The following HYOU1 variants were observed in gnomAD, a reference collection of about 807,000 sequenced individuals.
The protein encoded by HYOU1 is hypoxia up-regulated protein 1.
HYOU1 carries 40 observed loss-of-function variants against 120.5 expected under a neutral mutation model. The ratio of observed to expected loss-of-function variants is 0.33; its 90% confidence interval spans 0.26 to 0.43. The LOEUF (loss-of-function observed/expected upper bound fraction) is 0.43. Among genes scored for constraint, HYOU1 ranks in the 20% least tolerant of loss-of-function variants. The probability of loss-of-function intolerance (pLI) is 1.00; values close to 1 mark genes in which losing one functional copy is unlikely to be tolerated. For synonymous variants in HYOU1, 501 were observed against 479.4 expected (o/e 1.05, Z -0.59); for missense variants, 1,085 against 1,278.3 (o/e 0.85, Z 2.31).
In HYOU1 at chr11:119,048,325, G is replaced by T. The variant is rs1480999233; in HGVS notation, c.2299C>A (p.Gln767Lys). The T allele has an allele frequency of 3.7e-6, 6 of 1,610,248 alleles. No homozygotes were observed. Among genetic ancestry groups the T allele is most frequent in the African/African-American group, 2.7e-5 (2 of 74,922 alleles). ...AGCTTCCCAGAGATCTCCTCACGCTGCTCCTCTGTGGACACTTCCTGGTAC... is the reference window on the plus strand; with the variant it reads ...AGCTTCCCAGAGATCTCCTCACGCTTCTCCTCTGTGGACACTTCCTGGTAC... ...PEYQEVSTEE[Q>K]REEISGKLSA... Residue 767 changes from glutamine (Q) to lysine (K), a missense_variant, in exon 20 of 26, where the codon CAG (glutamine) becomes AAG (lysine). Transcript: ENST00000617285. The surrounding 1 kb of genome is among the most constrained non-coding windows in gnomAD (Gnocchi z 4.7).
At position 119,051,642 on chromosome 11, in the gene HYOU1, C is replaced by CA. The variant is rs2133586710; in HGVS notation, c.1339-18dup. ...GAACTCCACCTACACAGCAGGCAGA[C>CA]AGAGGCACACTGTTGCACACTAGAG... On this transcript the variant is annotated splice_polypyrimidine_tract_variant and intron_variant, in intron 12 of 25. Coordinates refer to ENST00000617285, the MANE Select transcript of HYOU1 (RefSeq NM_006389.5). This position sits in a 1 kb window ranked among gnomAD's most constrained non-coding sequence, Gnocchi z 4.2. 6.2e-7 allele frequency: 1 copy of CA among 1,613,706 alleles called. No individual in the cohort carries two copies. Among genetic ancestry groups the CA allele is most frequent in the East Asian group, 2.2e-5 (1 of 44,856 alleles).
intron 14 of HYOU1, among the ~76,000 whole-genome samples, chr11:119,050,815 C>T: frequency 6.8e-6 from 1 of 147,030 alleles, no homozygotes. Context: ...CTATATCAAA[C>T]CATTCAATAG....
chr11:119,047,231 TAG>T, intron 22 of HYOU1: 1 of 195,628 alleles, frequency 5.1e-6, no homozygotes, highest in Non-Finnish European at 1.1e-5. Flanking sequence ...GTATATTTAG[TAG>T]AGACGGGGTT....
Position 119,052,181 on chromosome 11 carries a change from G to A in HYOU1, c.1123-9C>T. ...ACCTGCTCAATCTCATCCTGCAGTG[G>A]GTAAGAATGACAGGTGCAACAGCAT... On this transcript the variant is annotated splice_polypyrimidine_tract_variant and intron_variant, in intron 10 of 25. Coordinates refer to ENST00000617285, the MANE Select transcript of HYOU1 (RefSeq NM_006389.5). This position sits in a 1 kb window ranked among gnomAD's most constrained non-coding sequence, Gnocchi z 5.0. The A allele has an allele frequency of 2.5e-6, 4 of 1,614,106 alleles. No homozygotes were observed. Among genetic ancestry groups the A allele is most frequent in the Admixed American group, 1.7e-5 (1 of 60,026 alleles).
chr11:119,046,538 T>A, intron 23 of HYOU1, 24 bp downstream of exon 23: 1 of 1,614,008 alleles, frequency 6.2e-7, no homozygotes. Flanking sequence ...CAGCAGAACA[T>A]GCAGCCAGGT....
In HYOU1 at chr11:119,054,577, C is replaced by T; in HGVS notation, c.595G>A (p.Val199Met). The T allele has an allele frequency of 6.2e-7, 1 of 1,614,188 alleles. No homozygotes were observed. The highest frequency in any genetic ancestry group is 8.5e-7 in the Non-Finnish European group (1 of 1,180,046). ...LQAARMAGLK[V>M]LQLINDNTAT... ...GTGTTGTCATTGATGAGCTGCAGCACTTTGAGGCCAGCCATACGAGCAGCC... is the reference window on the plus strand; with the variant it reads ...GTGTTGTCATTGATGAGCTGCAGCATTTTGAGGCCAGCCATACGAGCAGCC... The change falls in exon 7 of 26, where the codon GTG becomes ATG. Residue 199 changes from valine to methionine, a missense_variant. Val to Met is a conservative substitution (Grantham distance 21). Coordinates refer to ENST00000617285, the MANE Select transcript of HYOU1 (RefSeq NM_006389.5).
chr11:119,052,040 A>C lies in HYOU1; in HGVS notation c.1205+50T>G, dbSNP rs2133589702. On this transcript the variant is annotated intron_variant, in intron 11 of 25. Coordinates refer to ENST00000617285, the MANE Select transcript of HYOU1 (RefSeq NM_006389.5). This position sits in a 1 kb window ranked among gnomAD's most constrained non-coding sequence, Gnocchi z 5.0. Reference sequence around the variant, plus strand: ...TCAGCCCTCCAGCTGCTCAGCCCAAAGCCCTGCCCCAGGCAGAACTCAGCC... The same window carrying C: ...TCAGCCCTCCAGCTGCTCAGCCCAACGCCCTGCCCCAGGCAGAACTCAGCC... The C allele has an allele frequency of 6.2e-7, 1 of 1,613,948 alleles. No homozygotes were observed. Among genetic ancestry groups the C allele is most frequent in the Admixed American group, 1.7e-5 (1 of 60,008 alleles).
At position 119,056,698 on chromosome 11, in the gene HYOU1, T is replaced by G. The variant is rs376937111; in HGVS notation, c.-8+322A>C. On this transcript the variant is annotated intron_variant, in intron 1 of 25. Coordinates refer to ENST00000617285, the MANE Select transcript of HYOU1 (RefSeq NM_006389.5). ...TGCGGGTTGTCCCGCCCCCTCCCCTTTCCCAGCTCACTCCCCGGCCCCGCT... is the reference window on the plus strand; with the variant it reads ...TGCGGGTTGTCCCGCCCCCTCCCCTGTCCCAGCTCACTCCCCGGCCCCGCT... 4.5e-5 allele frequency: 12 copies of G among 269,568 alleles called. No homozygotes were observed. In the East Asian group the frequency reaches 9.1e-4, roughly 20 times the overall value. The allele number at this position is 269,568 out of a possible 1,614,324, so 16.7% of individuals were successfully genotyped here. A position where few individuals can be genotyped will look rare whatever the true frequency, so the allele number is the denominator to read the frequency against.
rs2133606428 is a variant in HYOU1 at position 119,054,629 on chromosome 11, G to A, written c.543C>T (p.Asn181=). The A allele has an allele frequency of 0.44, 716,417 of 1,613,482 alleles. 164,473 individuals carry two copies. Among genetic ancestry groups the A allele is most frequent in the East Asian group, 0.77 (34,422 of 44,862 alleles). Residue 181 remains asparagine (N), a synonymous_variant, in exon 7 of 26, where the codon AAC becomes AAT. Transcript: ENST00000617285. ...GCAGCACAGCTCGGCGCTCGGCCTG[G>A]TTGAAGAAGACTGGCACGGTGATCA... ...DAVITVPVFF[N]QAERRAVLQA...
intron 24 of HYOU1, among the ~76,000 whole-genome samples, chr11:119,046,153 A>C (rs2133547687): frequency 3.3e-5 from 5 of 151,090 alleles, no homozygotes; most frequent in Admixed American, 6.6e-5. Context: ...TTTAGTAAAG[A>C]TGGGGTTTCA....
Position 119,055,193 on chromosome 11 carries a change from C to A in HYOU1, c.411G>T (p.Gln137His). 1 of 1,613,484 alleles carries A rather than the reference C, an allele frequency of 6.2e-7. No individual in the cohort carries two copies. Among genetic ancestry groups the A allele is most frequent in the Non-Finnish European group, 8.5e-7 (1 of 1,179,550 alleles). The change falls in exon 5 of 26, where the codon CAG becomes CAT. Residue 137 changes from glutamine to histidine, a missense_variant. Physicochemically the swap from Gln to His is conservative, Grantham distance 24. Around this residue, in one of 4 missense-constraint regions of HYOU1, gnomAD observed 515 missense variants for 677.8 expected, o/e 0.76. Transcript: ENST00000617285. The surrounding 1 kb of genome is among the most constrained non-coding windows in gnomAD (Gnocchi z 4.0). ...FDPQRQTVHFQISSQLQFSPE... is the reference protein window; with the variant it reads ...FDPQRQTVHFHISSQLQFSPE... ...CCCAACAGAGCACTCACGAGCTGAT[C>A]TGAAAGTGCACAGTCTGCCTCTGTG...
At position 119,045,567 on chromosome 11, in the gene HYOU1, A is replaced by G; in HGVS notation, c.*26T>C. On this transcript the variant is annotated 3_prime_UTR_variant, in exon 26 of 26. Transcript: ENST00000617285. The stretch of plus-strand genomic sequence containing the variant: ...GAAGTGGTGGGGGAAGGGGGTGGAG[A>G]TGAATGGGGAAAACAGAGGTGGGGG... 1.9e-6 allele frequency: 3 copies of G among 1,592,690 alleles called. No homozygotes were observed. Among genetic ancestry groups the G allele is most frequent in the Non-Finnish European group, 2.6e-6 (3 of 1,160,334 alleles).
chr11:119,055,370 T>G lies in HYOU1; in HGVS notation c.265-31A>C. The stretch of plus-strand genomic sequence containing the variant: ...GGGTGAAGAAGGAGCAGACTAGTAT[T>G]AGGCTCCCAAGTCCACCATTACCTA... On this transcript the variant is annotated intron_variant, in intron 4 of 25. Coordinates refer to ENST00000617285, the MANE Select transcript of HYOU1 (RefSeq NM_006389.5). The surrounding 1 kb of genome is among the most constrained non-coding windows in gnomAD (Gnocchi z 4.0). 1 of 1,610,268 alleles carries G rather than the reference T, an allele frequency of 6.2e-7. No homozygotes were observed.
intron 8 of HYOU1, chr11:119,053,156 A>T (rs1468539708): frequency 1.0e-5 from 3 of 289,576 alleles, no homozygotes; most frequent in Non-Finnish European, 1.9e-5. Context: ...ATGTGAAATT[A>T]TCACTACGTC....
chr11:119,054,746 A>G, intron 6 of HYOU1, 71 bp from the exon 7 acceptor site: 1 of 1,483,800 alleles, frequency 6.7e-7, no homozygotes, highest in Middle Eastern at 1.8e-4. Context: ...CTGGTCACTA[A>G]TGACATTTTG....
chr11:119,053,858 C>A, intron 8 of HYOU1: 1 of 367,098 alleles, frequency 2.7e-6, no homozygotes, highest in East Asian at 5.0e-5. Flanking sequence ...TTGAATCTGA[C>A]ACCCTACATA....
Position 119,054,140 on chromosome 11 carries a change from G to A in HYOU1, c.775C>T (p.Leu259=). ...KTKEAGMQPQ[L]QIRGVGFDRT... Reference sequence around the variant, plus strand: ...ACTTACCCTACTCCCCGGATCTGCAGCTGTGGCTGCATCCCAGCTTCCTTA... The same window carrying A: ...ACTTACCCTACTCCCCGGATCTGCAACTGTGGCTGCATCCCAGCTTCCTTA... The change falls in exon 8 of 26, where the codon CTG becomes TTG. Residue 259 remains leucine (L), a synonymous_variant. Transcript: ENST00000617285. 1 of 1,612,932 alleles carries A rather than the reference G, an allele frequency of 6.2e-7. No homozygotes were observed. The highest frequency in any genetic ancestry group is 8.5e-7 in the Non-Finnish European group (1 of 1,178,878).
rs1944646342 is a variant in HYOU1 at position 119,054,688 on chromosome 11, A to G, written c.497-13T>C. 6.2e-7 allele frequency: 1 copy of G among 1,607,510 alleles called. No individual in the cohort carries two copies. The highest frequency in any genetic ancestry group is 8.5e-7 in the Non-Finnish European group (1 of 1,178,202). On this transcript the variant is annotated splice_polypyrimidine_tract_variant and intron_variant, in intron 6 of 25. Coordinates refer to ENST00000617285, the MANE Select transcript of HYOU1 (RefSeq NM_006389.5). ...TTGATGGGCTGCTCTACAGATGACA[A>G]CAGAAAAGGGTCCCGCCGGCTCCAT...
intron 1 of HYOU1, chr11:119,056,413 G>A (rs1438472739): frequency 5.1e-6 from 3 of 591,016 alleles, no homozygotes; most frequent in African/African-American, 1.8e-5. Flanking sequence ...TCCCTAAACA[G>A]AGAAGCTAAC....
Sources: gnomAD v4.1 joint callset for allele counts (sites outside exome capture counted in the v4.1 genomes callset) on GRCh38, gnomAD v4.1.1 for gene constraint, gnomAD v4.1.1 regional missense constraint, Gnocchi (gnomAD v3.1) non-coding constraint, MANE v1.5 for transcripts, NCBI Gene and HGNC (gene_info 2026-07-23, HGNC 2026-07-21) for gene names.